Variants in CD38 observed in about 807,000 individuals in gnomAD.
The protein encoded by CD38 is ADP-ribosyl cyclase/cyclic ADP-ribose hydrolase 1.
In CD38, 31 loss-of-function variants were observed where a neutral mutation model predicts 36.3. The observed-to-expected ratio is 0.85, with a 90% CI of 0.64 to 1.15. The LOEUF (loss-of-function observed/expected upper bound fraction) is 1.15, where lower values mean the gene tolerates loss of function less well. Ranked by LOEUF, CD38 falls within the 50% of genes most tolerant of loss-of-function variation. The probability of loss-of-function intolerance (pLI) is 0.00; values close to 1 mark genes in which losing one functional copy is unlikely to be tolerated. For synonymous variants in CD38, 131 were observed against 135.2 expected (o/e 0.97, Z 0.22); for missense variants, 380 against 371.9 (o/e 1.02, Z -0.18).
rs1024404460 is a variant in CD38 at position 15,850,905 on chromosome 4, C to T, written c.*2303C>T. On this transcript the variant is annotated 3_prime_UTR_variant, in exon 8 of 8. Coordinates refer to ENST00000226279, the MANE Select transcript of CD38 (RefSeq NM_001775.4). Reference sequence around the variant, plus strand: ...CTTAAGATCCTTTCCACTTTGGTTGCTGCTTTCGGGACTCATCGAGTCCTT... The same window carrying T: ...CTTAAGATCCTTTCCACTTTGGTTGTTGCTTTCGGGACTCATCGAGTCCTT... 2 of 152,236 alleles carry T rather than the reference C, an allele frequency of 1.3e-5. No homozygotes were observed. The highest frequency in any genetic ancestry group is 2.9e-5 in the Non-Finnish European group (2 of 68,062). 9.4% of individuals were successfully genotyped at this position (152,236 alleles called of 1,614,324 possible). A position where few individuals can be genotyped will look rare whatever the true frequency, so the allele number is the denominator to read the frequency against.
chr4:15,790,890 T>C (rs370341439), intron 1 of CD38, among the ~76,000 whole-genome samples: 56,690 of 131,778 alleles, frequency 0.43, 13,500 homozygotes, highest in African/African-American at 0.74. Context: ...AGGTGAGGAG[T>C]GTCTCTGCCC....
At chr4:15,823,956 G>A (rs1173837429) in intron 2 of CD38, among the ~76,000 whole-genome samples, 1 of 152,188 alleles carries the variant, frequency 6.6e-6, no homozygotes, top group African/African-American at 2.4e-5. Context: ...TATACACCAT[G>A]AAATATTATG....
rs1724383947 is a variant in CD38 at position 15,851,417 on chromosome 4, T to C, written c.*2815T>C. 1 of 152,230 alleles carries C rather than the reference T, an allele frequency of 6.6e-6. No homozygotes were observed. The highest frequency in any genetic ancestry group is 2.4e-5 in the African/African-American group (1 of 41,446). 9.4% of individuals were successfully genotyped at this position (152,230 alleles called of 1,614,324 possible). On this transcript the variant is annotated 3_prime_UTR_variant, in exon 8 of 8. Transcript: ENST00000226279. ...GTCTGCCTACTCCATTCTCATTTGC[T>C]GTAGAAAATTCTCTTACCATCCCAA...
chr4:15,818,165 G>A (rs1292408842), intron 2 of CD38, among the ~76,000 whole-genome samples: 1 of 140,610 alleles, frequency 7.1e-6, no homozygotes, highest in African/African-American at 2.6e-5. Context: ...GAGCTGGGTG[G>A]GGGGAGGGGC....
intron 1 of CD38, among the ~76,000 whole-genome samples, chr4:15,805,346 C>T (rs116626750): frequency 0.019 from 2,843 of 151,952 alleles, 37 homozygotes; most frequent in South Asian, 0.043. Context: ...GTCCTCGCTT[C>T]CTTCAATTCT....
At chr4:15,784,547 G>A (rs1234275363) in intron 1 of CD38, among the ~76,000 whole-genome samples, 1 of 152,154 alleles carries the variant, frequency 6.6e-6, no homozygotes, top group South Asian at 2.1e-4. Flanking sequence ...CAGCACACAA[G>A]AGACTATGAG....
intron 2 of CD38, among the ~76,000 whole-genome samples, chr4:15,823,396 A>T (rs1015555691): frequency 2.2e-4 from 34 of 152,238 alleles, no homozygotes; most frequent in Non-Finnish European, 8.8e-5. Context: ...AACCTGCAGA[A>T]TGGGAGAAGA....
At chr4:15,848,197 C>G (rs907334636) in intron 7 of CD38, among the ~76,000 whole-genome samples, 5 of 152,160 alleles carry the variant, frequency 3.3e-5, no homozygotes, top group Admixed American at 1.3e-4. Flanking sequence ...TGTTTCAAAG[C>G]AAGTTTGGTC....
chr4:15,778,690 A>C lies in CD38; in HGVS notation c.233+43A>C. 3.7e-6 allele frequency: 5 copies of C among 1,368,424 alleles called. No homozygotes were observed. Among genetic ancestry groups the C allele is most frequent in the Non-Finnish European group, 5.2e-6 (5 of 968,480 alleles). 84.8% of individuals were successfully genotyped at this position (1,368,424 alleles called of 1,614,324 possible). A position where few individuals can be genotyped will look rare whatever the true frequency, so the allele number is the denominator to read the frequency against. Reference sequence around the variant, plus strand: ...GCGCACCGGTGGGCACTGCGGGGACAGCAGGGCCCCGCGCGCAGGGAAGCC... The same window carrying C: ...GCGCACCGGTGGGCACTGCGGGGACCGCAGGGCCCCGCGCGCAGGGAAGCC... On this transcript the variant is annotated intron_variant, in intron 1 of 7. Transcript: ENST00000226279. This position sits in a 1 kb window ranked among gnomAD's most constrained non-coding sequence, Gnocchi z 4.9.
At chr4:15,802,513 T>G in intron 1 of CD38, among the ~76,000 whole-genome samples, 1 of 137,812 alleles carries the variant, frequency 7.3e-6, no homozygotes, top group African/African-American at 3.2e-5. Flanking sequence ...TTTATTTTAT[T>G]TTATTTTATT....
chr4:15,841,272 A>C (rs1289387304), intron 7 of CD38, among the ~76,000 whole-genome samples: 1 of 152,218 alleles, frequency 6.6e-6, no homozygotes, highest in African/African-American at 2.4e-5. Context: ...ATTGATGCAG[A>C]GAGGAAAAGC....
At chr4:15,786,838 G>C (rs532369872) in intron 1 of CD38, among the ~76,000 whole-genome samples, 1 of 152,334 alleles carries the variant, frequency 6.6e-6, no homozygotes. Flanking sequence ...AGGGTGGGGG[G>C]AGGCTCAGGC....
At chr4:15,816,483 A>G in intron 1 of CD38, 28 bp from the exon 2 acceptor site, 2 of 1,542,626 alleles carry the variant, frequency 1.3e-6, no homozygotes, top group East Asian at 2.3e-5. Flanking sequence ...CAAATAATTT[A>G]TGTTTTATTT....
In CD38 at chr4:15,849,094, A is replaced by G. The variant is rs1724331685; in HGVS notation, c.*492A>G. The G allele has an allele frequency of 6.5e-6, 1 of 153,070 alleles. No individual in the cohort carries two copies. The highest frequency in any genetic ancestry group is 6.5e-5 in the Admixed American group (1 of 15,422). The allele number at this position is 153,070 out of a possible 1,614,324, so 9.5% of individuals were successfully genotyped here. A position where few individuals can be genotyped will look rare whatever the true frequency, so the allele number is the denominator to read the frequency against. Reference sequence around the variant, plus strand: ...TTCATGGTCATGGGTCATGTTGGTGAAAATTATTCTGTAGGATATAAGCTA... The same window carrying G: ...TTCATGGTCATGGGTCATGTTGGTGGAAATTATTCTGTAGGATATAAGCTA... On this transcript the variant is annotated 3_prime_UTR_variant, in exon 8 of 8. Coordinates refer to ENST00000226279, the MANE Select transcript of CD38 (RefSeq NM_001775.4).
intron 3 of CD38, among the ~76,000 whole-genome samples, chr4:15,828,135 C>T (rs913856405): frequency 6.6e-6 from 1 of 152,138 alleles, no homozygotes; most frequent in Non-Finnish European, 1.5e-5. Flanking sequence ...CTACCTTAGC[C>T]TCCCAGGTAG....
At chr4:15,824,783 A>G (rs1475365811) in intron 2 of CD38, 98 bp from the exon 3 acceptor site, 1 of 924,368 alleles carries the variant, frequency 1.1e-6, no homozygotes, top group African/African-American at 1.7e-5. Flanking sequence ...ATTTACTTTG[A>G]TATGCTCTGT....
chr4:15,838,448 T>C (rs1724120758), intron 5 of CD38, among the ~76,000 whole-genome samples: 1 of 152,104 alleles, frequency 6.6e-6, no homozygotes, highest in Admixed American at 6.5e-5. Flanking sequence ...TTCTCAGCTT[T>C]CTCTCCCGTT....
chr4:15,800,735 C>T (rs2148918408), intron 1 of CD38, among the ~76,000 whole-genome samples: 1 of 152,036 alleles, frequency 6.6e-6, no homozygotes, highest in Non-Finnish European at 1.5e-5. Context: ...ATGATGAAAA[C>T]ATGTCTAACA....
rs1724260779 is a variant in CD38 at position 15,846,012 on chromosome 4, C to G, written c.840-2527C>G. ...GTAATTTACAGATTCAATGCCATCCCCATCAAGCTACCAATGACTTTCTTC... is the reference window on the plus strand; with the variant it reads ...GTAATTTACAGATTCAATGCCATCCGCATCAAGCTACCAATGACTTTCTTC... On this transcript the variant is annotated intron_variant, in intron 7 of 7. Transcript: ENST00000226279. Among the ~76,000 whole-genome samples the G allele has an allele frequency of 2.7e-5, 2 of 72,986 alleles. 1 individual carries two copies. Among genetic ancestry groups the G allele is most frequent in the South Asian group, 1.0e-3 (2 of 1,984 alleles). The allele number at this position is 72,986 out of a possible 152,430, so 47.9% of individuals were successfully genotyped here. A position where few individuals can be genotyped will look rare whatever the true frequency, so the allele number is the denominator to read the frequency against.
Sources: gnomAD v4.1 joint callset for allele counts (sites outside exome capture counted in the v4.1 genomes callset) on GRCh38, gnomAD v4.1.1 for gene constraint, Gnocchi (gnomAD v3.1) non-coding constraint, MANE v1.5 for transcripts, NCBI Gene and HGNC (gene_info 2026-07-23, HGNC 2026-07-21) for gene names.